Variants in KCNIP4 observed in about 807,000 individuals in gnomAD.
KCNIP4 encodes the protein Kv channel-interacting protein 4.
A neutral mutation model predicts 34.0 loss-of-function variants in KCNIP4; 12 were observed. The ratio of observed to expected loss-of-function variants is 0.35; its 90% confidence interval spans 0.23 to 0.57. The LOEUF (loss-of-function observed/expected upper bound fraction) is 0.57, where lower values mean the gene tolerates loss of function less well. Ranked by LOEUF, KCNIP4 falls within the 20% of genes least tolerant of loss-of-function variation. The pLI is 0.83. For missense variants in KCNIP4, 238 were observed against 311.7 expected, an observed-to-expected ratio of 0.76 and a Z score of 1.78; for synonymous variants, 124 against 102.2, an observed-to-expected ratio of 1.21 and a Z score of -1.29.
intron 1 of KCNIP4, among the ~76,000 whole-genome samples, chr4:21,053,895 T>C (rs1743155973): frequency 6.6e-6 from 1 of 152,204 alleles, no homozygotes; most frequent in African/African-American, 2.4e-5. Context: ...CCCATGCTTA[T>C]GGATAGGAAT....
chr4:21,476,000 A>T (rs912991934), intron 1 of KCNIP4, among the ~76,000 whole-genome samples: 1 of 152,176 alleles, frequency 6.6e-6, no homozygotes, highest in African/African-American at 2.4e-5. Context: ...CTACAAAAGA[A>T]AAAAATAAAC....
At chr4:21,112,100 AAGTTGT>A (rs2109106443) in intron 1 of KCNIP4, among the ~76,000 whole-genome samples, 1 of 116,232 alleles carries the variant, frequency 8.6e-6, no homozygotes, top group Non-Finnish European at 1.8e-5. Context: ...TATCTACCTG[AAGTTGT>A]AGTGGGTGAG....
At chr4:21,821,301 G>A (rs1413403328) in intron 1 of KCNIP4, among the ~76,000 whole-genome samples, 1 of 152,000 alleles carries the variant, frequency 6.6e-6, no homozygotes, top group Non-Finnish European at 1.5e-5. Flanking sequence ...CTTACTCTAA[G>A]ACCAAAGCAT....
chr4:21,383,571 A>G (rs1454740789), intron 1 of KCNIP4, among the ~76,000 whole-genome samples: 1 of 152,046 alleles, frequency 6.6e-6, no homozygotes, highest in Admixed American at 6.6e-5. Context: ...GCAAAAACCC[A>G]TAAGACAGGA....
chr4:21,326,265 C>G (rs968499451), intron 1 of KCNIP4, among the ~76,000 whole-genome samples: 2 of 149,704 alleles, frequency 1.3e-5, no homozygotes, highest in African/African-American at 5.0e-5. Context: ...CTTTATACAT[C>G]TGGGTGCTCT....
chr4:20,834,327 A>T (rs572801799), intron 3 of KCNIP4, among the ~76,000 whole-genome samples: 3 of 152,342 alleles, frequency 2.0e-5, no homozygotes, highest in African/African-American at 7.2e-5. Context: ...ATGCCTATTG[A>T]GAAGCAACTA....
chr4:21,425,095 G>C (rs964842277), intron 1 of KCNIP4, among the ~76,000 whole-genome samples: 4 of 152,140 alleles, frequency 2.6e-5, no homozygotes, highest in African/African-American at 7.2e-5. Context: ...ACTCGGGAGA[G>C]AGGAAAGAAA....
intron 1 of KCNIP4, among the ~76,000 whole-genome samples, chr4:21,873,673 C>T (rs777270005): frequency 1.3e-5 from 2 of 152,096 alleles, no homozygotes; most frequent in African/African-American, 2.4e-5. Flanking sequence ...CCTTGCCAAC[C>T]ACAACAAAAT....
chr4:21,121,947 A>G (rs774475612), intron 1 of KCNIP4, among the ~76,000 whole-genome samples: 4 of 152,222 alleles, frequency 2.6e-5, no homozygotes, highest in Non-Finnish European at 5.9e-5. Context: ...CAATTTATCA[A>G]GAGGATGAAG....
intron 1 of KCNIP4, among the ~76,000 whole-genome samples, chr4:21,355,367 GT>G (rs1329622762): frequency 1.3e-5 from 2 of 152,100 alleles, no homozygotes; most frequent in African/African-American, 4.8e-5. Flanking sequence ...CCAGGAGCTA[GT>G]TTTTTGAAAA....
chr4:21,840,180 A>G (rs1723591720), intron 1 of KCNIP4, among the ~76,000 whole-genome samples: 1 of 151,510 alleles, frequency 6.6e-6, no homozygotes, highest in South Asian at 2.1e-4. Flanking sequence ...GCAAGCACAG[A>G]AAACAACTTG....
intron 1 of KCNIP4, among the ~76,000 whole-genome samples, chr4:21,835,847 C>T (rs117754597): frequency 3.3e-5 from 5 of 152,174 alleles, no homozygotes; most frequent in East Asian, 3.9e-4. Flanking sequence ...CAGTTTAACA[C>T]TGAAAATGAA....
intron 1 of KCNIP4, among the ~76,000 whole-genome samples, chr4:21,592,916 AGGCTCTCAT>A (rs1039140143): frequency 3.3e-5 from 5 of 152,110 alleles, no homozygotes; most frequent in Non-Finnish European, 7.4e-5. Context: ...AAAGAGCATG[AGGCTCTCAT>A]GGCTGTATGA....
rs1759163480 is a variant in KCNIP4 at position 21,234,404 on chromosome 4, TATATAACATATACTATATATATTAC to T, written c.62-351720_62-351696del. On this transcript the variant is annotated intron_variant, in intron 1 of 8. Transcript: ENST00000382152. ...ATCATACATAACATATATAATATATTATATAACATATACTATATATATTACATATAACGTATATAATATATATTAC... is the reference window on the plus strand; with the variant it reads ...ATCATACATAACATATATAATATATTATATAACGTATATAATATATATTAC... 4.2e-5 allele frequency among the ~76,000 whole-genome samples: 5 copies of T among 120,144 alleles called. 1 individual carries two copies. Among genetic ancestry groups the T allele is most frequent in the Non-Finnish European group, 8.2e-5 (5 of 60,668 alleles). 78.8% of individuals were successfully genotyped at this position (120,144 alleles called of 152,430 possible).
At chr4:20,854,029 T>C (rs1031264239) in intron 2 of KCNIP4, among the ~76,000 whole-genome samples, 1 of 152,124 alleles carries the variant, frequency 6.6e-6, no homozygotes, top group Admixed American at 6.5e-5. Flanking sequence ...GGAACACTTC[T>C]ACATTCCTTG....
At chr4:21,903,515 C>T (rs1215733758) in intron 1 of KCNIP4, among the ~76,000 whole-genome samples, 2 of 152,030 alleles carry the variant, frequency 1.3e-5, no homozygotes, top group Admixed American at 6.6e-5. Flanking sequence ...ACAGAAATGG[C>T]TATTTTAAAT....
intron 1 of KCNIP4, among the ~76,000 whole-genome samples, chr4:21,763,444 T>G (rs1718190749): frequency 6.6e-6 from 1 of 152,124 alleles, no homozygotes; most frequent in South Asian, 2.1e-4. Flanking sequence ...AAGAACTGGA[T>G]AGAATTTTGA....
intron 1 of KCNIP4, among the ~76,000 whole-genome samples, chr4:21,443,228 C>A (rs914527468): frequency 6.6e-6 from 1 of 152,158 alleles, no homozygotes; most frequent in Admixed American, 6.5e-5. Context: ...ATTTTCTGTG[C>A]AGAGCCTCCA....
intron 1 of KCNIP4, among the ~76,000 whole-genome samples, chr4:21,406,623 C>T (rs926702018): frequency 3.3e-5 from 5 of 152,146 alleles, no homozygotes; most frequent in African/African-American, 4.8e-5. Context: ...ACAATTATCT[C>T]AAGGAAAAGC....
Sources: allele counts gnomAD v4.1 joint callset (sites outside exome capture counted in the v4.1 genomes callset), GRCh38; gene constraint gnomAD v4.1.1; transcripts MANE v1.5; gene names NCBI Gene and HGNC (gene_info 2026-07-23, HGNC 2026-07-21).